The following SCLY variants were observed in gnomAD, a reference collection of about 807,000 sequenced individuals.
The protein encoded by SCLY is selenocysteine lyase, also known as putative selenocysteine lyase.
SCLY carries 38 observed loss-of-function variants against 50.1 expected under a neutral mutation model. The ratio of observed to expected loss-of-function variants is 0.76; its 90% CI spans 0.59 to 0.99. The LOEUF is 0.99. Ranked by LOEUF, SCLY falls within the 50% of genes least tolerant of loss-of-function variation. SCLY has a pLI of 0.00. For synonymous variants in SCLY, 243 were observed against 249.4 expected, an observed-to-expected ratio of 0.97 and a Z score of 0.24; for missense variants, 600 against 620.0, an observed-to-expected ratio of 0.97 and a Z score of 0.34.
At chr2:238,077,994 CA>C (rs1454512913) in intron 4 of SCLY, among the ~76,000 whole-genome samples, 1 of 151,788 alleles carries the variant, frequency 6.6e-6, no homozygotes, top group Non-Finnish European at 1.5e-5. Context: ...CTCTGTTGCC[CA>C]GGCTATGGAG....
In SCLY at chr2:238,096,843, TG is replaced by T; in HGVS notation, c.1156del (p.Ala386ProfsTer16). On this transcript the variant is annotated frameshift_variant, in exon 11 of 12. Coordinates refer to ENST00000254663, the MANE Select transcript of SCLY (RefSeq NM_016510.7). LOFTEE classifies it high-confidence loss of function. ...CAGTGCCGAGTGCTGATGGCCAGTGTGGGGGCCGCGTGCCACTCGGACCACG... is the reference window on the plus strand; with the variant it reads ...CAGTGCCGAGTGCTGATGGCCAGTGTGGGGCCGCGTGCCACTCGGACCACG... ...LAQCRVLMASVGAACHSDHGD... is the reference protein window; with the variant it reads ...LAQCRVLMASXGAACHSDHGD... 3.1e-6 allele frequency: 5 copies of T among 1,612,452 alleles called. No individual in the cohort carries two copies. The highest frequency in any genetic ancestry group is 4.2e-6 in the Non-Finnish European group (5 of 1,179,598).
At chr2:238,077,954 T>TC (rs1491399460) in intron 4 of SCLY, among the ~76,000 whole-genome samples, 12 of 40,110 alleles carry the variant, frequency 3.0e-4, no homozygotes, top group East Asian at 6.1e-4. Flanking sequence ...GTAGATTCTC[T>TC]TTTTTTTTTT....
rs2065010757 is a variant in SCLY at position 238,061,008 on chromosome 2, G to C, written c.-47G>C. 1.5e-6 allele frequency: 2 copies of C among 1,327,514 alleles called. No individual in the cohort carries two copies. The highest frequency in any genetic ancestry group is 1.9e-6 in the Non-Finnish European group (2 of 1,035,670). The allele number at this position is 1,327,514 out of a possible 1,614,324, so 82.2% of individuals were successfully genotyped here. On this transcript the variant is annotated 5_prime_UTR_variant, in exon 1 of 12. Coordinates refer to ENST00000254663, the MANE Select transcript of SCLY (RefSeq NM_016510.7). The stretch of plus-strand genomic sequence containing the variant: ...TCCTCCCCGGCGCTCTGGGCCCGTA[G>C]CGCTCCGCGGGAAGGAGGCTGGATG...
At position 238,081,747 on chromosome 2, in the gene SCLY, G is replaced by T; in HGVS notation, c.523G>T (p.Ala175Ser). The change falls in exon 5 of 12, where the codon GCA becomes TCA. Residue 175 changes from alanine (A) to serine (S), a missense_variant. By Grantham distance (99) the Ala-to-Ser change is moderately conservative. Transcript: ENST00000254663. ...FVPVSKVSGQ[A>S]EVDDILAAVR... Reference sequence around the variant, plus strand: ...CCCGGTGTCCAAGGTGAGCGGGCAGGCAGAGGTGGACGACATCCTCGCGGC... The same window carrying T: ...CCCGGTGTCCAAGGTGAGCGGGCAGTCAGAGGTGGACGACATCCTCGCGGC... 1 of 1,613,974 alleles carries T rather than the reference G, an allele frequency of 6.2e-7. No individual in the cohort carries two copies.
chr2:238,098,608 ACCGCCCACATGGGACCGCCCACATGGG>A lies in SCLY; in HGVS notation c.*254_*280del, dbSNP rs1691319983. The A allele has an allele frequency of 1.8e-4, 75 of 412,162 alleles. 2 individuals carry two copies. The highest frequency in any genetic ancestry group is 7.5e-4 in the African/African-American group (34 of 45,418). 25.5% of individuals were successfully genotyped at this position (412,162 alleles called of 1,614,324 possible). A position where few individuals can be genotyped will look rare whatever the true frequency, so the allele number is the denominator to read the frequency against. ...GCCCACATAGGACCGCCCACATAGG[ACCGCCCACATGGGACCGCCCACATGGG>A]ACCGCCCACATGGGACCGCCCACAT... On this transcript the variant is annotated 3_prime_UTR_variant, in exon 12 of 12. Transcript: ENST00000254663.
chr2:238,062,923 G>C (rs1261866661), intron 1 of SCLY, among the ~76,000 whole-genome samples: 1 of 152,242 alleles, frequency 6.6e-6, no homozygotes, highest in Non-Finnish European at 1.5e-5. Flanking sequence ...TTGGATATTA[G>C]TAAAAAGATA....
intron 8 of SCLY, chr2:238,091,544 G>GAA: frequency 4.8e-6 from 2 of 413,800 alleles, no homozygotes; most frequent in Non-Finnish European, 9.0e-6. Flanking sequence ...CAAGCTGCAG[G>GAA]TTCACCATTC....
At chr2:238,075,583 CTT>C (rs1169293680) in intron 4 of SCLY, among the ~76,000 whole-genome samples, 1 of 152,110 alleles carries the variant, frequency 6.6e-6, no homozygotes, top group Non-Finnish European at 1.5e-5. Flanking sequence ...GGCTCTATCT[CTT>C]TTGAGTCATT....
chr2:238,097,603 G>T (rs368357457), intron 11 of SCLY, among the ~76,000 whole-genome samples: 3 of 152,176 alleles, frequency 2.0e-5, no homozygotes, highest in African/African-American at 7.2e-5. Context: ...GGAAAAGGAG[G>T]GGCAGGATGG....
intron 4 of SCLY, among the ~76,000 whole-genome samples, chr2:238,078,245 C>T (rs1576668151): frequency 6.6e-6 from 1 of 152,140 alleles, no homozygotes; most frequent in Non-Finnish European, 1.5e-5. Context: ...TGAGCCACTG[C>T]ACCCGGCCAG....
In SCLY at chr2:238,064,453, C is replaced by T. The variant is rs2065049753; in HGVS notation, c.186C>T (p.Ser62=). 6.2e-7 allele frequency: 1 copy of T among 1,608,036 alleles called. No homozygotes were observed. Among genetic ancestry groups the T allele is most frequent in the Non-Finnish European group, 8.5e-7 (1 of 1,177,314 alleles). Residue 62 remains serine, a synonymous_variant, in exon 2 of 12, where the codon AGC becomes AGT. Transcript: ENST00000254663. ...TGTGGGAAGCCTGGGGAAATCCCAG[C>T]AGCCCGTATTCAGCAGGTAATTCTA... is the stretch of plus-strand genomic sequence containing the variant. The part of the protein sequence containing the change: ...KAMWEAWGNP[S]SPYSAGRKAK...
At position 238,098,627 on chromosome 2, in the gene SCLY, C is replaced by CCACATAGGACCGCA. The variant is rs1691333683; in HGVS notation, c.*277_*278insAGGACCGCACACAT. On this transcript the variant is annotated 3_prime_UTR_variant, in exon 12 of 12. Transcript: ENST00000254663. ...CATAGGACCGCCCACATGGGACCGC[C>CCACATAGGACCGCA]CACATGGGACCGCCCACATGGGACC... 1 of 346,264 alleles carries CCACATAGGACCGCA rather than the reference C, an allele frequency of 2.9e-6. No homozygotes were observed. Among genetic ancestry groups the CCACATAGGACCGCA allele is most frequent in the African/African-American group, 2.3e-5 (1 of 43,266 alleles). The allele number at this position is 346,264 out of a possible 1,614,324, so 21.4% of individuals were successfully genotyped here.
intron 7 of SCLY, among the ~76,000 whole-genome samples, chr2:238,088,809 T>C (rs1196858807): frequency 1.3e-5 from 2 of 152,202 alleles, no homozygotes; most frequent in African/African-American, 2.4e-5. Context: ...ACAGCTGATA[T>C]CATACTTAGT....
At position 238,093,904 on chromosome 2, in the gene SCLY, A is replaced by G. The variant is rs2065396151; in HGVS notation, c.965A>G (p.His322Arg). The G allele has an allele frequency of 6.2e-7, 1 of 1,614,062 alleles. No individual in the cohort carries two copies. The highest frequency in any genetic ancestry group is 8.5e-7 in the Non-Finnish European group (1 of 1,180,020). ...CAGAACTGCGAGGCTTATGAGGCCCACATGAGGGACGTCCGCGACTACCTG... is the reference window on the plus strand; with the variant it reads ...CAGAACTGCGAGGCTTATGAGGCCCGCATGAGGGACGTCCGCGACTACCTG... ...VTQNCEAYEAHMRDVRDYLEE... is the reference protein window; with the variant it reads ...VTQNCEAYEARMRDVRDYLEE... The change falls in exon 9 of 12, where the codon CAC becomes CGC. Residue 322 changes from histidine to arginine, a missense_variant. Coordinates refer to ENST00000254663, the MANE Select transcript of SCLY (RefSeq NM_016510.7).
chr2:238,097,119 A>G (rs13395126), intron 11 of SCLY, among the ~76,000 whole-genome samples: 49,382 of 135,482 alleles, frequency 0.36, 8,982 homozygotes, highest in African/African-American at 0.54. Context: ...AGGCGGAGGG[A>G]GGGCAGGGCC....
chr2:238,084,708 T>A (rs1207358366), intron 7 of SCLY, among the ~76,000 whole-genome samples: 1 of 146,212 alleles, frequency 6.8e-6, no homozygotes, highest in East Asian at 2.0e-4. Flanking sequence ...TCCTGGCTAA[T>A]ATGGTGAAAC....
intron 7 of SCLY, among the ~76,000 whole-genome samples, chr2:238,089,216 T>C (rs1227807297): frequency 6.6e-6 from 1 of 152,182 alleles, no homozygotes; most frequent in Non-Finnish European, 1.5e-5. Context: ...AAAGGACTTA[T>C]ATGCTGAAAA....
intron 9 of SCLY, 34 bp downstream of exon 9, chr2:238,093,978 G>A (rs757225685): frequency 1.3e-6 from 2 of 1,585,536 alleles, no homozygotes; most frequent in Non-Finnish European, 8.6e-7. Context: ...CCAGGAGGGG[G>A]AGGGTGCGTG....
intron 8 of SCLY, 44 bp downstream of exon 8, chr2:238,091,298 A>G (rs775107723): frequency 1.9e-6 from 3 of 1,546,472 alleles, no homozygotes; most frequent in East Asian, 4.5e-5. Context: ...TTGCTTTGTC[A>G]TCAGTGTCCC....
Sources: allele counts gnomAD v4.1 joint callset (sites outside exome capture counted in the v4.1 genomes callset), GRCh38; gene constraint gnomAD v4.1.1; transcripts MANE v1.5; gene names NCBI Gene and HGNC (gene_info 2026-07-23, HGNC 2026-07-21).